Variants in ZNF676 observed in about 807,000 individuals in gnomAD.
ZNF676 encodes zinc finger protein 676.
In ZNF676, 4 loss-of-function variants were observed where a neutral mutation model predicts 6.0. The observed-to-expected ratio is 0.67, with a 90% CI of 0.33 to 1.53. ZNF676 has a LOEUF of 1.53. ZNF676 is among the 40% of genes most tolerant of loss of function. The pLI, the probability that ZNF676 is intolerant of heterozygous loss-of-function variation, is 0.06. For synonymous variants in ZNF676, 198 were observed against 223.1 expected (o/e 0.89, Z 1.00); for missense variants, 644 against 679.7 (o/e 0.95, Z 0.58).
intron 1 of ZNF676, among the ~76,000 whole-genome samples, chr19:22,207,400 T>G (rs2024086417): frequency 6.6e-6 from 1 of 151,934 alleles, no homozygotes; most frequent in South Asian, 2.1e-4. Context: ...AGGTAAAAGA[T>G]CTCTATGACA....
chr19:22,209,610 A>G (rs1032616113), intron 1 of ZNF676, among the ~76,000 whole-genome samples: 2 of 152,148 alleles, frequency 1.3e-5, no homozygotes, highest in Non-Finnish European at 2.9e-5. Context: ...TTTTAGCTGT[A>G]TAACAAAGCT....
chr19:22,179,855 A>C lies in ZNF676; in HGVS notation c.*95T>G. The C allele has an allele frequency of 1.4e-6, 2 of 1,393,510 alleles. No homozygotes were observed. The highest frequency in any genetic ancestry group is 2.4e-5 in the South Asian group (2 of 83,152). 86.3% of individuals were successfully genotyped at this position (1,393,510 alleles called of 1,614,324 possible). The stretch of plus-strand genomic sequence containing the variant: ...GAGGACTGTTTAAAAGCTTTGCCAC[A>C]TTCTTCACCTTTGTAGATTTTCTCT... On this transcript the variant is annotated 3_prime_UTR_variant, in exon 3 of 3. Coordinates refer to ENST00000397121, the MANE Select transcript of ZNF676 (RefSeq NM_001001411.3).
At chr19:22,211,391 A>T (rs2024128461) in intron 1 of ZNF676, among the ~76,000 whole-genome samples, 4 of 152,188 alleles carry the variant, frequency 2.6e-5, no homozygotes, top group African/African-American at 9.6e-5. Context: ...CTTAGCTTGC[A>T]GTCATTGGGC....
chr19:22,204,084 TAC>T (rs1222710120), intron 1 of ZNF676: 1 of 152,196 alleles, frequency 6.6e-6, no homozygotes, highest in African/African-American at 2.4e-5. Context: ...GGAGAGCTAT[TAC>T]AGTTTTTGAG....
the ZNF676 span, among the ~76,000 whole-genome samples, chr19:22,233,304 C>T: frequency 9.2e-4 from 137 of 148,984 alleles, no homozygotes; most frequent in Middle Eastern, 6.8e-3. Flanking sequence ...CCATCTCACC[C>T]GGCCCAATTT....
In ZNF676 at chr19:22,209,129, G is replaced by A. The variant is rs146082556; in HGVS notation, c.3+6503C>T. On this transcript the variant is annotated intron_variant, in intron 1 of 3. Coordinates refer to the ZNF676 transcript ENST00000650058. ...AAAATACAAAAATTAGCTGAGTGTG[G>A]TGGCACACGCCTGTAATCCCAGCTA... is the stretch of plus-strand genomic sequence containing the variant. 5.1e-3 allele frequency among the ~76,000 whole-genome samples: 781 copies of A among 152,110 alleles called. 5 individuals carry two copies. The highest frequency in any genetic ancestry group is 8.0e-3 in the Non-Finnish European group (542 of 68,008).
rs185534180 is a variant in ZNF676, at chr19:22,208,668, G to A, written c.3+6964C>T. On this transcript the variant is annotated intron_variant, in intron 1 of 3. Transcript: ENST00000650058. ...TGGATACAGAAAATACGGTATGGTT[G>A]GGCATGATGGCACATGTCTGTAATC... 4.2e-3 allele frequency among the ~76,000 whole-genome samples: 642 copies of A among 152,338 alleles called. 3 individuals are homozygous for A. Among genetic ancestry groups the A allele is most frequent in the African/African-American group, 0.015 (629 of 41,582 alleles).
rs199536409 is a variant in ZNF676 at position 22,180,243 on chromosome 19, G to A, written c.1474C>T (p.Leu492Phe). 2 of 1,613,346 alleles carry A rather than the reference G, an allele frequency of 1.2e-6. No homozygotes were observed. The highest frequency in any genetic ancestry group is 3.3e-5 in the Admixed American group (2 of 59,956). ...GTATGAATTATCTTATGTTTAGTAA[G>A]GATTGAGAACGTACTAAAGCCTTTG... The part of the protein sequence containing the change: ...CGKGFSTFSI[L>F]TKHKIIHTGE... The change falls in exon 3 of 3, where the codon CTT (leucine) becomes TTT (phenylalanine). Residue 492 changes from leucine (L) to phenylalanine (F), a missense_variant. This residue lies in a region of ZNF676 where 306 missense variants were observed against 265.4 expected (regional missense o/e 1.15). Transcript: ENST00000397121.
chr19:22,236,178 A>C, the ZNF676 span, among the ~76,000 whole-genome samples: 12 of 152,008 alleles, frequency 7.9e-5, no homozygotes, highest in African/African-American at 2.2e-4. Flanking sequence ...GGCAGCTCTA[A>C]TGGCTTCCAT....
chr19:22,192,995 T>G (rs568664594), intron 2 of ZNF676, 21 bp downstream of exon 2: 1 of 1,594,064 alleles, frequency 6.3e-7, no homozygotes, highest in Non-Finnish European at 8.5e-7. Context: ...ATTCATGTTG[T>G]CTGTATTCAC....
intron 1 of ZNF676, among the ~76,000 whole-genome samples, chr19:22,208,879 T>C (rs2144814227): frequency 6.6e-6 from 1 of 152,182 alleles, no homozygotes; most frequent in East Asian, 1.9e-4. Context: ...GTGGGTGAGT[T>C]TCAGCGAGCC....
upstream of ZNF676, among the ~76,000 whole-genome samples, chr19:22,219,234 G>A (rs2024224824): frequency 6.6e-6 from 1 of 151,696 alleles, no homozygotes; most frequent in South Asian, 2.1e-4. Flanking sequence ...TTGTAGCTGG[G>A]ATTACAGCCA....
chr19:22,253,444 GTA>G, the ZNF676 span, among the ~76,000 whole-genome samples: 227 of 92,204 alleles, frequency 2.5e-3, 15 homozygotes, highest in East Asian at 0.039. Context: ...ATGATAATGT[GTA>G]TATATATATG....
At chr19:22,249,229 AG>A in the ZNF676 span, among the ~76,000 whole-genome samples, 1 of 152,214 alleles carries the variant, frequency 6.6e-6, no homozygotes. Context: ...AATGATCATA[AG>A]ATGGCATAAA....
the ZNF676 span, among the ~76,000 whole-genome samples, chr19:22,239,765 T>C: frequency 6.6e-6 from 1 of 152,096 alleles, no homozygotes; most frequent in Non-Finnish European, 1.5e-5. Context: ...TTTGGGCATG[T>C]CTCCTGCAAC....
At chr19:22,240,679 G>T in the ZNF676 span, among the ~76,000 whole-genome samples, 1 of 151,892 alleles carries the variant, frequency 6.6e-6, no homozygotes, top group Non-Finnish European at 1.5e-5. Flanking sequence ...TGTAGTCCCA[G>T]CTACTCAGGA....
chr19:22,198,115 G>A (rs971607101), upstream of ZNF676, among the ~76,000 whole-genome samples: 1 of 152,050 alleles, frequency 6.6e-6, no homozygotes, highest in African/African-American at 2.4e-5. Flanking sequence ...ATCTTGTACT[G>A]CATAGACATA....
chr19:22,240,235 G>C, the ZNF676 span, among the ~76,000 whole-genome samples: 3 of 149,920 alleles, frequency 2.0e-5, no homozygotes, highest in Middle Eastern at 0.01. Flanking sequence ...CACAGCACCT[G>C]TGTGCTGGAC....
At chr19:22,183,821 A>G (rs951135309) in intron 2 of ZNF676, among the ~76,000 whole-genome samples, 5 of 152,228 alleles carry the variant, frequency 3.3e-5, no homozygotes, top group African/African-American at 1.2e-4. Context: ...TCAAAGACTC[A>G]TATTTTATAA....
Sources: allele counts gnomAD v4.1 joint callset (sites outside exome capture counted in the v4.1 genomes callset), GRCh38; gene constraint gnomAD v4.1.1; regional missense constraint gnomAD v4.1.1; transcripts MANE v1.5; gene names NCBI Gene and HGNC (gene_info 2026-07-23, HGNC 2026-07-21).